The following GABRG3 variants were observed in gnomAD, a reference collection of about 807,000 sequenced individuals.
GABRG3 encodes the protein gamma-aminobutyric acid type A receptor subunit gamma3, also known as gamma-aminobutyric acid receptor subunit gamma-3.
A neutral mutation model predicts 48.8 loss-of-function variants in GABRG3; 25 were observed. The observed-to-expected ratio is 0.51, with a 90% CI of 0.37 to 0.72. The LOEUF is 0.72. GABRG3 is among the 30% of genes least tolerant of loss of function. The probability of loss-of-function intolerance (pLI) is 0.00; values close to 1 mark genes in which losing one functional copy is unlikely to be tolerated. For synonymous variants in GABRG3, 227 were observed against 217.6 expected, an observed-to-expected ratio of 1.04 and a Z score of -0.38; for missense variants, 394 against 577.9, an observed-to-expected ratio of 0.68 and a Z score of 3.26.
chr15:27,320,905 G>T (rs983822270), intron 3 of GABRG3, among the ~76,000 whole-genome samples: 1 of 152,164 alleles, frequency 6.6e-6, no homozygotes, highest in East Asian at 1.9e-4. Flanking sequence ...GGCCTGGGTT[G>T]CATTAACATC....
chr15:27,119,194 C>T (rs917252195), intron 3 of GABRG3, among the ~76,000 whole-genome samples: 20 of 152,220 alleles, frequency 1.3e-4, no homozygotes, highest in African/African-American at 4.8e-4. Flanking sequence ...CACCTCCTTT[C>T]ATCCAATTAC....
chr15:27,183,174 G>T (rs83100), intron 3 of GABRG3, among the ~76,000 whole-genome samples: 27,414 of 151,640 alleles, frequency 0.18, 2,557 homozygotes, highest in East Asian at 0.33. Flanking sequence ...AGGTTAGTGT[G>T]TGACAAACAT....
chr15:27,143,277 G>A (rs1360722313), intron 3 of GABRG3, among the ~76,000 whole-genome samples: 4 of 152,044 alleles, frequency 2.6e-5, no homozygotes, highest in South Asian at 2.1e-4. Flanking sequence ...TGGGGGTCTC[G>A]CTGTGTTGTG....
intron 3 of GABRG3, among the ~76,000 whole-genome samples, chr15:27,053,290 C>T (rs960785559): frequency 2.0e-5 from 3 of 152,098 alleles, no homozygotes; most frequent in Non-Finnish European, 4.4e-5. Flanking sequence ...CTTAAATCAA[C>T]AAACAAAAAC....
At chr15:27,431,580 C>T (rs1888455058) in intron 5 of GABRG3, among the ~76,000 whole-genome samples, 1 of 152,236 alleles carries the variant, frequency 6.6e-6, no homozygotes, top group East Asian at 1.9e-4. Flanking sequence ...GTGTTGAGAG[C>T]AGGCATTTTG....
chr15:27,029,369 A>T (rs1412194325), intron 3 of GABRG3, among the ~76,000 whole-genome samples: 6 of 152,204 alleles, frequency 3.9e-5, no homozygotes, highest in Non-Finnish European at 8.8e-5. Flanking sequence ...CCTGAGGAAG[A>T]CACAACGTAC....
chr15:27,133,470 G>A (rs576244886), intron 3 of GABRG3, among the ~76,000 whole-genome samples: 2 of 152,318 alleles, frequency 1.3e-5, no homozygotes, highest in Non-Finnish European at 1.5e-5. Context: ...AGGCGCTGGT[G>A]AGGCAGCCTG....
At chr15:27,439,946 G>GTT (rs1566841720) in intron 5 of GABRG3, among the ~76,000 whole-genome samples, 1 of 152,164 alleles carries the variant, frequency 6.6e-6, no homozygotes, top group Non-Finnish European at 1.5e-5. Context: ...CTCACTGCAT[G>GTT]TGTTAGACCT....
intron 3 of GABRG3, among the ~76,000 whole-genome samples, chr15:27,093,633 A>G (rs1897228836): frequency 6.6e-6 from 1 of 152,124 alleles, no homozygotes; most frequent in African/African-American, 2.4e-5. Context: ...GGCCCTTAAA[A>G]TTTTTATTTT....
chr15:27,230,440 G>A lies in GABRG3; in HGVS notation c.271-96369G>A, dbSNP rs1014178816. ...ACCCTTTATGTGCTCAGACCTCAGA[G>A]GGCACAATTAATTCATTGCTATTCT... On this transcript the variant is annotated intron_variant, in intron 3 of 9. Coordinates refer to ENST00000615808, the MANE Select transcript of GABRG3 (RefSeq NM_033223.5). Among the ~76,000 whole-genome samples the A allele has an allele frequency of 3.9e-5, 6 of 152,254 alleles. No homozygotes were observed. The Middle Eastern group carries it at 0.01, about 261-fold the overall frequency.
intron 3 of GABRG3, among the ~76,000 whole-genome samples, chr15:27,048,115 C>T (rs905219063): frequency 6.6e-6 from 1 of 152,082 alleles, no homozygotes; most frequent in Non-Finnish European, 1.5e-5. Context: ...GGAGAGGCCC[C>T]AGCAAGGGGT....
chr15:27,005,433 A>G (rs992938745), intron 2 of GABRG3, among the ~76,000 whole-genome samples: 3 of 152,116 alleles, frequency 2.0e-5, no homozygotes, highest in African/African-American at 4.8e-5. Context: ...TTCTTTAGAT[A>G]TTATTTTTAT....
At chr15:27,508,602 A>G (rs887235590) in intron 6 of GABRG3, among the ~76,000 whole-genome samples, 1 of 152,172 alleles carries the variant, frequency 6.6e-6, no homozygotes, top group Non-Finnish European at 1.5e-5. Context: ...AAGTTTCTGA[A>G]TATATTATAT....
At chr15:26,986,900 C>G (rs1317662304) in intron 2 of GABRG3, among the ~76,000 whole-genome samples, 2 of 152,152 alleles carry the variant, frequency 1.3e-5, no homozygotes, top group Admixed American at 1.3e-4. Flanking sequence ...CACCAGTTAC[C>G]AGCAGGTTTC....
intron 3 of GABRG3, among the ~76,000 whole-genome samples, chr15:27,093,830 C>T (rs1454081830): frequency 1.3e-5 from 2 of 152,076 alleles, no homozygotes; most frequent in South Asian, 2.1e-4. Flanking sequence ...GTCCCTTCAG[C>T]GTGTAAATGG....
chr15:27,193,924 A>G (rs1327905728), intron 3 of GABRG3, among the ~76,000 whole-genome samples: 3 of 152,216 alleles, frequency 2.0e-5, no homozygotes, highest in Non-Finnish European at 4.4e-5. Context: ...TTAATATATT[A>G]GGAGATACTT....
At chr15:27,155,376 C>T (rs574807083) in intron 3 of GABRG3, among the ~76,000 whole-genome samples, 1 of 152,002 alleles carries the variant, frequency 6.6e-6, no homozygotes, top group Non-Finnish European at 1.5e-5. Context: ...TTTTTAAAAT[C>T]TTTGCCACAT....
intron 5 of GABRG3, among the ~76,000 whole-genome samples, chr15:27,430,668 A>G (rs1486667275): frequency 1.3e-5 from 2 of 152,102 alleles, no homozygotes; most frequent in Middle Eastern, 3.2e-3. Flanking sequence ...GTTTTGCCCA[A>G]TTAGTTGTCT....
Position 27,293,693 on chromosome 15 carries a change from A to C in GABRG3, c.271-33116A>C, listed in dbSNP as rs570793345. Among the ~76,000 whole-genome samples the C allele has an allele frequency of 1.1e-4, 16 of 152,100 alleles. No individual in the cohort carries two copies. In the East Asian group the frequency reaches 2.9e-3, roughly 28 times the overall value. On this transcript the variant is annotated intron_variant, in intron 3 of 9. Transcript: ENST00000615808. ...ATTCTGTCTCAAAAAAAACAAACAA[A>C]AAAAAAAACAGAACAAAACTGGAGA...
Sources: allele counts gnomAD v4.1 joint callset (sites outside exome capture counted in the v4.1 genomes callset), GRCh38; gene constraint gnomAD v4.1.1; transcripts MANE v1.5; gene names NCBI Gene and HGNC (gene_info 2026-07-23, HGNC 2026-07-21).